REDIC1: variants seen among roughly 807,000 people sequenced by gnomAD.
REDIC1 encodes the protein regulator of DNA class I crossover intermediates 1.
the REDIC1 span, among the ~76,000 whole-genome samples, chr12:39,695,495 A>G: frequency 6.6e-6 from 1 of 152,144 alleles, no homozygotes; most frequent in Non-Finnish European, 1.5e-5. Flanking sequence ...TGTGATGGCC[A>G]TGGGGTGAGG....
chr12:39,850,800 G>A, the REDIC1 span, among the ~76,000 whole-genome samples: 3 of 152,026 alleles, frequency 2.0e-5, no homozygotes, highest in Non-Finnish European at 2.9e-5. Context: ...TATATCACAC[G>A]GAATTTTTGT....
At chr12:39,770,376 G>A in the REDIC1 span, among the ~76,000 whole-genome samples, 1 of 152,134 alleles carries the variant, frequency 6.6e-6, no homozygotes, top group Non-Finnish European at 1.5e-5. Flanking sequence ...CTCTCCAGAA[G>A]GCAGCATGGG....
the REDIC1 span, among the ~76,000 whole-genome samples, chr12:39,800,213 T>C: frequency 2.6e-5 from 4 of 152,178 alleles, no homozygotes; most frequent in Non-Finnish European, 4.4e-5. Context: ...GTGCTTTGAA[T>C]GAAAACAGTA....
At chr12:39,901,994 A>G in the REDIC1 span, among the ~76,000 whole-genome samples, 1 of 152,104 alleles carries the variant, frequency 6.6e-6, no homozygotes, top group Admixed American at 6.6e-5. Flanking sequence ...CATATACACC[A>G]TGGAATACTA....
the REDIC1 span, chr12:39,643,784 T>C: frequency 2.0e-6 from 3 of 1,530,352 alleles, no homozygotes; most frequent in African/African-American, 4.1e-5. Flanking sequence ...TTTAGGAATA[T>C]TTTGAAAAAC....
chr12:39,850,608 A>G, the REDIC1 span, among the ~76,000 whole-genome samples: 1 of 152,206 alleles, frequency 6.6e-6, no homozygotes, highest in Non-Finnish European at 1.5e-5. Context: ...AGTATACGGT[A>G]ATTGCCAAAA....
the REDIC1 span, among the ~76,000 whole-genome samples, chr12:39,841,256 G>C: frequency 2.6e-5 from 4 of 152,196 alleles, no homozygotes; most frequent in African/African-American, 9.6e-5. Flanking sequence ...TAGCCAGAAT[G>C]GTTTTTCTTT....
the REDIC1 span, among the ~76,000 whole-genome samples, chr12:39,834,658 G>A: frequency 6.6e-6 from 1 of 152,018 alleles, no homozygotes; most frequent in Non-Finnish European, 1.5e-5. Flanking sequence ...ATTCCAAGGA[G>A]TGGGGCTCGG....
At chr12:39,637,682 A>G in the REDIC1 span, among the ~76,000 whole-genome samples, 3,082 of 152,212 alleles carry the variant, frequency 0.02, 42 homozygotes, top group South Asian at 0.029. Context: ...ACAGTTGACT[A>G]CATACATAAT....
chr12:39,635,962 TTTAG>T, the REDIC1 span, among the ~76,000 whole-genome samples: 1 of 152,144 alleles, frequency 6.6e-6, no homozygotes, highest in Non-Finnish European at 1.5e-5. Flanking sequence ...TAAAAACCAG[TTTAG>T]TTATTTTGAT....
the REDIC1 span, among the ~76,000 whole-genome samples, chr12:39,703,320 A>G: frequency 2.0e-5 from 3 of 150,722 alleles, no homozygotes; most frequent in East Asian, 5.8e-4. Flanking sequence ...ATCATGAGTG[A>G]ACTCCCATTC....
chr12:39,728,403 A>G, the REDIC1 span, among the ~76,000 whole-genome samples: 2 of 152,060 alleles, frequency 1.3e-5, no homozygotes, highest in Non-Finnish European at 2.9e-5. Context: ...TGAGATAATC[A>G]TGTGGTTTTT....
At chr12:39,767,115 C>T in the REDIC1 span, among the ~76,000 whole-genome samples, 2 of 152,052 alleles carry the variant, frequency 1.3e-5, no homozygotes, top group Non-Finnish European at 2.9e-5. Flanking sequence ...TCTATGGCAG[C>T]TATGGCCTTA....
chr12:39,747,380 A>T, the REDIC1 span, among the ~76,000 whole-genome samples: 2 of 152,074 alleles, frequency 1.3e-5, no homozygotes, highest in Non-Finnish European at 2.9e-5. Context: ...TAGAGAAAAA[A>T]GAGTAAAAAG....
At chr12:39,626,206 CAGA>C in the REDIC1 span, 2 of 928,972 alleles carry the variant, frequency 2.2e-6, no homozygotes, top group Non-Finnish European at 3.3e-6. Flanking sequence ...GGCGGTGGAC[CAGA>C]AGGAGCTTAC....
At chr12:39,690,393 T>G in the REDIC1 span, among the ~76,000 whole-genome samples, 1 of 152,070 alleles carries the variant, frequency 6.6e-6, no homozygotes, top group Non-Finnish European at 1.5e-5. Flanking sequence ...TGGGAACGTA[T>G]TCACCAGAGA....
the REDIC1 span, among the ~76,000 whole-genome samples, chr12:39,853,346 A>G: frequency 9.2e-5 from 14 of 152,106 alleles, no homozygotes; most frequent in African/African-American, 3.1e-4. Context: ...GAAAGATAAC[A>G]GTGGTTATGA....
At chr12:39,742,672 C>G in the REDIC1 span, among the ~76,000 whole-genome samples, 1 of 152,250 alleles carries the variant, frequency 6.6e-6, no homozygotes, top group Admixed American at 6.5e-5. Context: ...GTGTTTACCT[C>G]AGCTGGAATT....
At chr12:39,684,730 G>A in the REDIC1 span, 1 of 607,070 alleles carries the variant, frequency 1.6e-6, no homozygotes, top group African/African-American at 1.9e-5. Flanking sequence ...CCTTGGCATG[G>A]AGCTTATGAA....
Sources: gnomAD v4.1 joint callset for allele counts (sites outside exome capture counted in the v4.1 genomes callset) on GRCh38, gnomAD v4.1.1 for gene constraint, MANE v1.5 for transcripts, NCBI Gene and HGNC (gene_info 2026-07-23, HGNC 2026-07-21) for gene names.